Variants in ZCCHC14 observed in about 807,000 individuals in gnomAD.
ZCCHC14 encodes the protein zinc finger CCHC-type containing 14.
A neutral mutation model predicts 85.0 loss-of-function variants in ZCCHC14; 16 were observed. The observed-to-expected ratio is 0.19, with a 90% confidence interval of 0.13 to 0.29. The LOEUF (loss-of-function observed/expected upper bound fraction) is 0.29, where lower values mean the gene tolerates loss of function less well. ZCCHC14 is among the 10% of genes least tolerant of loss of function. The probability of loss-of-function intolerance (pLI) is 1.00; values close to 1 mark genes in which losing one functional copy is unlikely to be tolerated. For missense variants in ZCCHC14, 1,303 were observed against 1,443.5 expected, an observed-to-expected ratio of 0.90 and a Z score of 1.58; for synonymous variants, 775 against 630.7, an observed-to-expected ratio of 1.23 and a Z score of -3.43.
At chr16:87,477,830 C>A (rs1912090480) in intron 1 of ZCCHC14, among the ~76,000 whole-genome samples, 1 of 150,058 alleles carries the variant, frequency 6.7e-6, no homozygotes, top group African/African-American at 2.5e-5. Flanking sequence ...CACGCCTCCA[C>A]GCATCGCTCC....
chr16:87,432,342 C>T (rs954076854), intron 3 of ZCCHC14, among the ~76,000 whole-genome samples: 9 of 152,128 alleles, frequency 5.9e-5, no homozygotes, highest in African/African-American at 2.2e-4. Context: ...TTAAATCTGG[C>T]CAACAAAATA....
chr16:87,491,641 C>T lies in ZCCHC14; in HGVS notation c.570+28G>A. The T allele has an allele frequency of 1.4e-6, 2 of 1,382,676 alleles. No homozygotes were observed. Among genetic ancestry groups the T allele is most frequent in the African/African-American group, 3.1e-5 (2 of 65,494 alleles). 85.7% of individuals were successfully genotyped at this position (1,382,676 alleles called of 1,614,324 possible). ...GAGTTGGGGATGCAGACTTGGGGTA[C>T]AGGGCAGAGCTCGGGGCGGGCACGC... On this transcript the variant is annotated intron_variant, in intron 1 of 12. Coordinates refer to ENST00000671377, the MANE Select transcript of ZCCHC14 (RefSeq NM_015144.3). The surrounding 1 kb of genome is among the most constrained non-coding windows in gnomAD (Gnocchi z 5.9).
chr16:87,462,981 T>A (rs1911344617), intron 1 of ZCCHC14, among the ~76,000 whole-genome samples: 1 of 151,918 alleles, frequency 6.6e-6, no homozygotes, highest in South Asian at 2.1e-4. Flanking sequence ...AGCAGGAGAA[T>A]CGCTTGAACC....
intron 1 of ZCCHC14, among the ~76,000 whole-genome samples, chr16:87,478,249 A>C (rs1016539191): frequency 6.6e-6 from 1 of 152,254 alleles, no homozygotes; most frequent in Non-Finnish European, 1.5e-5. Context: ...CTACAGTGTC[A>C]TCCCTAGACC....
rs1251752095 is a variant in ZCCHC14 at position 87,492,566 on chromosome 16, C to A, written c.-328G>T. ...CCTTCCCCGCGCCCGTGCCCAGCGG[C>A]GGCCGGTGCGCGGCGGCGGCGGCGG... On this transcript the variant is annotated 5_prime_UTR_variant, in exon 1 of 13. Transcript: ENST00000671377. The surrounding 1 kb of genome is among the most constrained non-coding windows in gnomAD (Gnocchi z 6.7). The A allele has an allele frequency of 4.1e-5, 6 of 146,516 alleles. No individual in the cohort carries two copies. The East Asian group carries it at 1.2e-3, about 29-fold the overall frequency. 9.1% of individuals were successfully genotyped at this position (146,516 alleles called of 1,614,324 possible).
chr16:87,414,692 C>T, intron 9 of ZCCHC14, 151 bp from the exon 10 acceptor site: 1 of 1,148,180 alleles, frequency 8.7e-7, no homozygotes, highest in Non-Finnish European at 1.2e-6. Flanking sequence ...GGGAAATTCC[C>T]CCCAGAGCAT....
chr16:87,426,160 G>A (rs185109342), intron 3 of ZCCHC14, among the ~76,000 whole-genome samples: 249 of 152,324 alleles, frequency 1.6e-3, no homozygotes, highest in African/African-American at 5.6e-3. Flanking sequence ...CTAAGCTGCA[G>A]CAGCCACGAT....
In ZCCHC14 at chr16:87,411,012, G is replaced by T. The variant is rs549311732; in HGVS notation, c.3205+504C>A. On this transcript the variant is annotated intron_variant, in intron 12 of 12. Coordinates refer to ENST00000671377, the MANE Select transcript of ZCCHC14 (RefSeq NM_015144.3). ...CTACATCAGACATCCACTGGGATTT[G>T]ACTAAAGGAGACAAAAAAATAGCGG... 9.2e-5 allele frequency among the ~76,000 whole-genome samples: 14 copies of T among 152,318 alleles called. No individual in the cohort carries two copies. The South Asian group carries it at 2.9e-3, about 32-fold the overall frequency.
chr16:87,416,233 A>T (rs1422042316), intron 8 of ZCCHC14, among the ~76,000 whole-genome samples: 1 of 151,618 alleles, frequency 6.6e-6, no homozygotes, highest in Admixed American at 6.6e-5. Context: ...GCCAGGGATG[A>T]CAGCAACTTT....
intron 2 of ZCCHC14, among the ~76,000 whole-genome samples, chr16:87,433,702 T>A (rs980883448): frequency 6.6e-6 from 1 of 152,102 alleles, no homozygotes; most frequent in Non-Finnish European, 1.5e-5. Flanking sequence ...AGTCTCACTC[T>A]GTCTCGGCGG....
chr16:87,425,235 G>A (rs1317445702), intron 3 of ZCCHC14, among the ~76,000 whole-genome samples: 2 of 152,124 alleles, frequency 1.3e-5, no homozygotes, highest in African/African-American at 2.4e-5. Flanking sequence ...TGGAACTAAC[G>A]GCTGCAAGGC....
chr16:87,486,629 A>G (rs529226498), intron 1 of ZCCHC14, among the ~76,000 whole-genome samples: 1 of 152,340 alleles, frequency 6.6e-6, no homozygotes, highest in Non-Finnish European at 1.5e-5. Flanking sequence ...ATGAAACAGG[A>G]CAGTGTTTTA....
At chr16:87,483,212 C>T (rs752619577) in intron 1 of ZCCHC14, among the ~76,000 whole-genome samples, 1 of 149,596 alleles carries the variant, frequency 6.7e-6, no homozygotes, top group Non-Finnish European at 1.5e-5. Context: ...AATCCCAGCA[C>T]TTTGGGAGGC....
intron 2 of ZCCHC14, among the ~76,000 whole-genome samples, chr16:87,445,178 T>C (rs911075381): frequency 1.3e-5 from 2 of 152,046 alleles, no homozygotes; most frequent in African/African-American, 4.8e-5. Context: ...GCAATTCTCC[T>C]GCCTCAGCCT....
intron 3 of ZCCHC14, among the ~76,000 whole-genome samples, chr16:87,425,801 G>A (rs1449957775): frequency 3.3e-5 from 5 of 152,102 alleles, no homozygotes; most frequent in Non-Finnish European, 5.9e-5. Flanking sequence ...AAGGTAAAGC[G>A]TGTCATAGAA....
chr16:87,438,034 A>G (rs1910012672), intron 2 of ZCCHC14, among the ~76,000 whole-genome samples: 1 of 152,258 alleles, frequency 6.6e-6, no homozygotes, highest in Admixed American at 6.5e-5. Context: ...GCCATGTGGC[A>G]GGAATAACAT....
In ZCCHC14 at chr16:87,414,524, C is replaced by T. The variant is rs368999379; in HGVS notation, c.1493G>A (p.Arg498Gln). The change falls in exon 10 of 13, where the codon CGG (arginine) becomes CAG (glutamine). Residue 498 changes from arginine (R) to glutamine (Q), a missense_variant. Arg to Gln is a conservative substitution (Grantham distance 43). Coordinates refer to ENST00000671377, the MANE Select transcript of ZCCHC14 (RefSeq NM_015144.3). ...LELEKEKSERRCLNPSAPPLV... is the reference protein window; with the variant it reads ...LELEKEKSERQCLNPSAPPLV... ...CGGCGGGGCCGAGGGGTTCAGGCAC[C>T]GTCTCTCTGACTTCTCCCTGTGAAA... 6.2e-6 allele frequency: 10 copies of T among 1,611,898 alleles called. No homozygotes were observed. The highest frequency in any genetic ancestry group is 4.0e-5 in the African/African-American group (3 of 74,922).
At chr16:87,421,315 C>T (rs781166339) in intron 4 of ZCCHC14, among the ~76,000 whole-genome samples, 6 of 152,300 alleles carry the variant, frequency 3.9e-5, no homozygotes, top group Non-Finnish European at 8.8e-5. Flanking sequence ...TTGCTCCTGG[C>T]CCCAGAGCCC....
chr16:87,480,147 T>C (rs1465500085), intron 1 of ZCCHC14, among the ~76,000 whole-genome samples: 1 of 152,022 alleles, frequency 6.6e-6, no homozygotes, highest in Non-Finnish European at 1.5e-5. Context: ...CTCACACCTG[T>C]AATCCCAGCG....
Sources: allele counts gnomAD v4.1 joint callset (sites outside exome capture counted in the v4.1 genomes callset), GRCh38; gene constraint gnomAD v4.1.1; non-coding constraint Gnocchi (gnomAD v3.1); transcripts MANE v1.5; gene names NCBI Gene and HGNC (gene_info 2026-07-23, HGNC 2026-07-21).